C2CD4D: variants seen among roughly 807,000 people sequenced by gnomAD.
The protein encoded by C2CD4D is C2 calcium dependent domain containing 4D.
In C2CD4D, 1 loss-of-function variant was observed where a neutral mutation model predicts 0.2. That is an observed-to-expected ratio of 4.00 (90% CI 1.42 to 18.99). The LOEUF (loss-of-function observed/expected upper bound fraction) is 18.99. C2CD4D is among the 30% of genes most tolerant of loss of function. C2CD4D has a pLI of 0.11. For missense variants in C2CD4D, 552 were observed against 551.2 expected (o/e 1.00, Z -0.01); for synonymous variants, 269 against 279.8 (o/e 0.96, Z 0.39).
chr1:151,838,273 C>A, exon 2 of C2CD4D: 1 of 1,319,340 alleles, frequency 7.6e-7, no homozygotes, highest in Non-Finnish European at 9.7e-7. Flanking sequence ...CCTCGGCGCT[C>A]ACTAGGCGCA....
chr1:151,839,431 C>A (rs7551806), intron 1 of C2CD4D, among the ~76,000 whole-genome samples: 77,893 of 152,072 alleles, frequency 0.51, 20,340 homozygotes, highest in South Asian at 0.7. Context: ...CAGATCCCAA[C>A]CCCCCTGGGA....
chr1:151,838,403 T>C, exon 2 of C2CD4D: 1 of 1,438,318 alleles, frequency 7.0e-7, no homozygotes, highest in Admixed American at 2.8e-5. Flanking sequence ...GAAGTCCAGG[T>C]GGAAGAGCGG....
exon 2 of C2CD4D, chr1:151,838,960 C>T: frequency 6.5e-7 from 1 of 1,550,234 alleles, no homozygotes; most frequent in Non-Finnish European, 8.7e-7. Flanking sequence ...CGGCCCCCAC[C>T]TTATAGCCAG....
exon 2 of C2CD4D, chr1:151,838,634 G>T: frequency 7.6e-7 from 1 of 1,323,984 alleles, no homozygotes. Flanking sequence ...CTGCGCCGCG[G>T]GGAGTCCCCC....
exon 2 of C2CD4D, chr1:151,838,458 C>T (rs1652650807): frequency 1.4e-6 from 2 of 1,398,382 alleles, no homozygotes; most frequent in South Asian, 1.6e-5. Context: ...GGGCTGGTAT[C>T]GGCCGAGCTC....
At chr1:151,837,821 G>A in exon 2 of C2CD4D, 2 of 1,428,606 alleles carry the variant, frequency 1.4e-6, no homozygotes. Flanking sequence ...ATCTGGCTAA[G>A]GACAAGGGGA....
intron 1 of C2CD4D, among the ~76,000 whole-genome samples, chr1:151,839,757 C>G (rs888423102): frequency 6.6e-6 from 1 of 152,196 alleles, no homozygotes; most frequent in African/African-American, 2.4e-5. Flanking sequence ...GACACAGAAT[C>G]CCACCCCCAG....
chr1:151,837,980 C>T, exon 2 of C2CD4D: 2 of 1,549,762 alleles, frequency 1.3e-6, no homozygotes, highest in Non-Finnish European at 8.7e-7. Flanking sequence ...TAGTCCCCCA[C>T]CCAGCGGGGG....
chr1:151,838,998 T>C (rs1326435308), exon 2 of C2CD4D: 2 of 1,548,622 alleles, frequency 1.3e-6, no homozygotes. Flanking sequence ...ATGCGGTGGG[T>C]GGGGTAATGG....
chr1:151,838,341 G>T (rs1374859189), exon 2 of C2CD4D: 5 of 1,417,494 alleles, frequency 3.5e-6, no homozygotes, highest in South Asian at 3.0e-5. Flanking sequence ...TGCCCGCCGC[G>T]GGGCCCCAGG....
chr1:151,839,075 G>A, exon 2 of C2CD4D: 2 of 1,464,596 alleles, frequency 1.4e-6, no homozygotes, highest in Non-Finnish European at 1.8e-6. Flanking sequence ...CGGCGGAGCG[G>A]GGCTGGGCGA....
chr1:151,838,857 G>T, exon 2 of C2CD4D: 2 of 1,534,974 alleles, frequency 1.3e-6, no homozygotes, highest in East Asian at 2.6e-5. Context: ...ATGCGATCCG[G>T]GGTGAGGACG....
chr1:151,838,197 G>A (rs1259099713), exon 2 of C2CD4D: 2 of 1,549,028 alleles, frequency 1.3e-6, no homozygotes, highest in Non-Finnish European at 1.7e-6. Context: ...ACGCGGGGCC[G>A]CAGCCTCAGC....
chr1:151,838,286 C>T, exon 2 of C2CD4D: 1 of 1,324,610 alleles, frequency 7.5e-7, no homozygotes, highest in Non-Finnish European at 9.7e-7. Context: ...TAGGCGCAGC[C>T]GCAGCCGCCC....
At chr1:151,838,237 G>A in exon 2 of C2CD4D, 1 of 1,378,586 alleles carries the variant, frequency 7.3e-7, no homozygotes, top group East Asian at 3.0e-5. Flanking sequence ...CGCCGCTCCC[G>A]GGGCGGGACC....
chr1:151,837,824 C>G, exon 2 of C2CD4D: 2 of 1,433,332 alleles, frequency 1.4e-6, no homozygotes, highest in Non-Finnish European at 1.8e-6. Context: ...TGGCTAAGGA[C>G]AAGGGGACAT....
At chr1:151,839,989 C>T (rs919051250) in intron 1 of C2CD4D, among the ~76,000 whole-genome samples, 169 bp from the exon 1 acceptor site, 1 of 152,252 alleles carries the variant, frequency 6.6e-6, no homozygotes, top group African/African-American at 2.4e-5. Context: ...CCACCAAGAG[C>T]ACCGTGTTCC....
chr1:151,838,260 G>A, exon 2 of C2CD4D: 1 of 1,329,872 alleles, frequency 7.5e-7, no homozygotes, highest in South Asian at 2.3e-5. Flanking sequence ...GGCCGGGGCA[G>A]GCCCTCGGCG....
In C2CD4D at chr1:151,839,237, G is replaced by T; in HGVS notation, c.-231-17C>A. 1.9e-6 allele frequency: 1 copy of T among 529,794 alleles called. No homozygotes were observed. Among genetic ancestry groups the T allele is most frequent in the Non-Finnish European group, 3.3e-6 (1 of 299,610 alleles). The allele number at this position is 529,794 out of a possible 1,614,324, so 32.8% of individuals were successfully genotyped here. The stretch of plus-strand genomic sequence containing the variant: ...TCTGGGGGGCTGGGGAGAAATGGAG[G>T]GAGCAAAGGGCCAGTCAGTCACATT... On this transcript the variant is annotated splice_polypyrimidine_tract_variant and intron_variant, in intron 1 of 1. Coordinates refer to ENST00000454109, the Ensembl canonical transcript of C2CD4D.
Sources: gnomAD v4.1 joint callset for allele counts (sites outside exome capture counted in the v4.1 genomes callset) on GRCh38, gnomAD v4.1.1 for gene constraint, MANE v1.5 for transcripts, NCBI Gene and HGNC (gene_info 2026-07-23, HGNC 2026-07-21) for gene names.